LYPD6: variants seen among roughly 807,000 people sequenced by gnomAD.
The protein encoded by LYPD6 is LY6/PLAUR domain containing 6.
In LYPD6, 15 loss-of-function variants were observed where a neutral mutation model predicts 22.7. The observed-to-expected ratio is 0.66, with a 90% CI of 0.44 to 1.02. LYPD6 has a LOEUF of 1.02. LYPD6 is among the 50% of genes least tolerant of loss of function. The pLI is 0.00. For synonymous variants in LYPD6, 72 were observed against 77.5 expected (o/e 0.93, Z 0.37); for missense variants, 189 against 208.4 (o/e 0.91, Z 0.57).
At chr2:149,407,547 C>T (rs1293935615) in intron 1 of LYPD6, among the ~76,000 whole-genome samples, 4 of 152,210 alleles carry the variant, frequency 2.6e-5, no homozygotes, top group African/African-American at 9.7e-5. Context: ...CTTCTGCATT[C>T]TTTGCGTAGT....
intron 3 of LYPD6, among the ~76,000 whole-genome samples, chr2:149,457,274 G>T (rs752862657): frequency 6.6e-6 from 1 of 152,174 alleles, no homozygotes; most frequent in Non-Finnish European, 1.5e-5. Context: ...TGGAAGATAT[G>T]TTATAGACGT....
At chr2:149,465,119 C>CCT (rs1681172635) in intron 3 of LYPD6, among the ~76,000 whole-genome samples, 1 of 152,130 alleles carries the variant, frequency 6.6e-6, no homozygotes, top group African/African-American at 2.4e-5. Context: ...AAGGACAGAA[C>CCT]ATGGGAGAAT....
intron 1 of LYPD6, among the ~76,000 whole-genome samples, chr2:149,377,351 A>G (rs1681946271): frequency 6.6e-6 from 1 of 151,644 alleles, no homozygotes. Context: ...TCCCAGGTTG[A>G]AGTGGGCACC....
intron 1 of LYPD6, among the ~76,000 whole-genome samples, chr2:149,428,599 A>G (rs1683236594): frequency 6.6e-6 from 1 of 152,306 alleles, no homozygotes; most frequent in South Asian, 2.1e-4. Context: ...GAAGACTTCT[A>G]ATTGGCCAGA....
chr2:149,468,236 C>A (rs112480867), intron 3 of LYPD6, among the ~76,000 whole-genome samples: 49 of 150,078 alleles, frequency 3.3e-4, no homozygotes, highest in African/African-American at 1.1e-3. Context: ...CTGTTACCTG[C>A]CTAACTCATT....
intron 3 of LYPD6, among the ~76,000 whole-genome samples, chr2:149,452,705 G>A (rs963777346): frequency 2.0e-5 from 3 of 152,342 alleles, no homozygotes; most frequent in African/African-American, 7.2e-5. Context: ...TTCACTGAAT[G>A]TCAAGAATTT....
rs752276848 is a variant in LYPD6, at chr2:149,449,132, A to G, written c.202A>G (p.Ile68Val). The G allele has an allele frequency of 1.9e-6, 3 of 1,612,210 alleles. No homozygotes were observed. Among genetic ancestry groups the G allele is most frequent in the East Asian group, 2.2e-5 (1 of 44,834 alleles). The stretch of plus-strand genomic sequence containing the variant: ...TGAGTGCAACCGATGGGCTCCAGAC[A>G]TCTACTGCCCTCGAGGTAAACTCTC... ...NYECNRWAPD[I>V]YCPRETRYCY... The change falls in exon 3 of 5, where the codon ATC becomes GTC. Residue 68 changes from isoleucine to valine, a missense_variant. Coordinates refer to ENST00000334166, the MANE Select transcript of LYPD6 (RefSeq NM_194317.5).
intron 1 of LYPD6, among the ~76,000 whole-genome samples, chr2:149,337,550 C>A (rs1681061052): frequency 6.6e-6 from 1 of 152,072 alleles, no homozygotes; most frequent in Non-Finnish European, 1.5e-5. Context: ...GTCTCTCTTT[C>A]AGCCTTTGGC....
chr2:149,401,968 T>C (rs545454395), intron 1 of LYPD6, among the ~76,000 whole-genome samples: 1 of 152,220 alleles, frequency 6.6e-6, no homozygotes, highest in South Asian at 2.1e-4. Flanking sequence ...GATGTTTGGT[T>C]TTCCACTTCT....
At chr2:149,469,551 G>A (rs1417988643) in intron 4 of LYPD6, among the ~76,000 whole-genome samples, 3 of 152,150 alleles carry the variant, frequency 2.0e-5, no homozygotes, top group Non-Finnish European at 4.4e-5. Flanking sequence ...CAATACCTGG[G>A]AACAGCACTG....
chr2:149,407,517 G>T, intron 1 of LYPD6, among the ~76,000 whole-genome samples: 1 of 152,080 alleles, frequency 6.6e-6, no homozygotes, highest in African/African-American at 2.4e-5. Context: ...TCTTCCAGTT[G>T]ATCGCGTCGG....
At chr2:149,418,450 G>A (rs986947794) in intron 1 of LYPD6, among the ~76,000 whole-genome samples, 5 of 152,176 alleles carry the variant, frequency 3.3e-5, no homozygotes, top group Admixed American at 2.6e-4. Flanking sequence ...GTAATAATAA[G>A]AAGTTGAAAT....
intron 1 of LYPD6, among the ~76,000 whole-genome samples, chr2:149,368,806 T>C (rs1048424482): frequency 4.0e-5 from 6 of 151,876 alleles, no homozygotes; most frequent in African/African-American, 1.5e-4. Context: ...AGATGCAGAA[T>C]CATCAAGACA....
intron 2 of LYPD6, 97 bp from the exon 3 acceptor site, chr2:149,448,952 T>G: frequency 5.2e-6 from 5 of 965,804 alleles, no homozygotes; most frequent in Non-Finnish European, 6.1e-6. Flanking sequence ...TAAGTTGTCT[T>G]GAGAATCCTT....
At chr2:149,366,217 T>C (rs912439204) in intron 1 of LYPD6, among the ~76,000 whole-genome samples, 7 of 152,212 alleles carry the variant, frequency 4.6e-5, no homozygotes, top group African/African-American at 1.7e-4. Flanking sequence ...TATAAGGCTT[T>C]TGTCTACTTT....
intron 1 of LYPD6, among the ~76,000 whole-genome samples, chr2:149,436,039 A>G (rs970264428): frequency 2.6e-5 from 4 of 152,134 alleles, no homozygotes; most frequent in Admixed American, 2.6e-4. Context: ...CCTATAAACA[A>G]TTGGGTCTGT....
intron 1 of LYPD6, among the ~76,000 whole-genome samples, chr2:149,396,571 C>G (rs992096362): frequency 6.6e-6 from 1 of 152,110 alleles, no homozygotes; most frequent in African/African-American, 2.4e-5. Context: ...TTTCTCCTTT[C>G]CCCTCCCCTG....
chr2:149,414,525 C>A (rs1682921105), intron 1 of LYPD6, among the ~76,000 whole-genome samples: 1 of 152,128 alleles, frequency 6.6e-6, no homozygotes, highest in Non-Finnish European at 1.5e-5. Flanking sequence ...AAAATCGCCT[C>A]AAATAATATA....
chr2:149,479,119 C>T (rs1681484081), downstream of LYPD6, among the ~76,000 whole-genome samples: 1 of 152,150 alleles, frequency 6.6e-6, no homozygotes, highest in African/African-American at 2.4e-5. Flanking sequence ...CCAACAGTCA[C>T]TTCTCAGTCC....
Sources: gnomAD v4.1 joint callset for allele counts (sites outside exome capture counted in the v4.1 genomes callset) on GRCh38, gnomAD v4.1.1 for gene constraint, MANE v1.5 for transcripts, NCBI Gene and HGNC (gene_info 2026-07-23, HGNC 2026-07-21) for gene names.